HS3ST4: variants seen among roughly 807,000 people sequenced by gnomAD.
The protein encoded by HS3ST4 is heparan sulfate glucosamine 3-O-sulfotransferase 4.
A neutral mutation model predicts 29.2 loss-of-function variants in HS3ST4; 17 were observed. The observed-to-expected ratio is 0.58, with a 90% CI of 0.40 to 0.87. HS3ST4 has a LOEUF of 0.87. HS3ST4 is among the 40% of genes least tolerant of loss of function. HS3ST4 has a pLI of 0.00. For missense variants in HS3ST4, 627 were observed against 634.5 expected, an observed-to-expected ratio of 0.99 and a Z score of 0.13; for synonymous variants, 314 against 285.7, an observed-to-expected ratio of 1.10 and a Z score of -1.00.
At chr16:26,040,268 T>G (rs1969623592) in intron 1 of HS3ST4, among the ~76,000 whole-genome samples, 1 of 152,150 alleles carries the variant, frequency 6.6e-6, no homozygotes, top group Admixed American at 6.5e-5. Flanking sequence ...CTCATTTTTC[T>G]TTCCTATTGC....
intron 1 of HS3ST4, among the ~76,000 whole-genome samples, chr16:26,068,697 A>G (rs1898567703): frequency 6.6e-6 from 1 of 152,190 alleles, no homozygotes; most frequent in Non-Finnish European, 1.5e-5. Flanking sequence ...ATGAAATTAA[A>G]GAACAAGTAC....
chr16:25,997,893 C>T (rs1969171001), intron 1 of HS3ST4, among the ~76,000 whole-genome samples: 1 of 152,112 alleles, frequency 6.6e-6, no homozygotes, highest in South Asian at 2.1e-4. Flanking sequence ...CACCAAGTGG[C>T]TCTTCATTAT....
chr16:25,999,854 T>A (rs1223225251), intron 1 of HS3ST4, among the ~76,000 whole-genome samples: 8 of 126,840 alleles, frequency 6.3e-5, no homozygotes, highest in Non-Finnish European at 1.2e-4. Flanking sequence ...TTATATATAT[T>A]ATATATATAT....
At chr16:25,858,540 C>A (rs1166328864) in intron 1 of HS3ST4, among the ~76,000 whole-genome samples, 1 of 152,050 alleles carries the variant, frequency 6.6e-6, no homozygotes, top group African/African-American at 2.4e-5. Context: ...CCTTTTATTT[C>A]TATTTGATAA....
At chr16:25,862,243 A>C (rs1967645791) in intron 1 of HS3ST4, among the ~76,000 whole-genome samples, 1 of 151,750 alleles carries the variant, frequency 6.6e-6, no homozygotes, top group Non-Finnish European at 1.5e-5. Flanking sequence ...CCCAGGCTAG[A>C]GTGCAGTGAT....
intron 1 of HS3ST4, among the ~76,000 whole-genome samples, chr16:26,011,186 G>T (rs1435693602): frequency 6.6e-6 from 1 of 152,210 alleles, no homozygotes; most frequent in Admixed American, 6.5e-5. Context: ...GGCCAAGCCA[G>T]TAAGATAAAT....
intron 1 of HS3ST4, among the ~76,000 whole-genome samples, chr16:25,777,202 C>T (rs1016570614): frequency 6.6e-6 from 1 of 152,196 alleles, no homozygotes; most frequent in Non-Finnish European, 1.5e-5. Flanking sequence ...GAATCGATAC[C>T]ACCTTAGAAT....
intron 1 of HS3ST4, among the ~76,000 whole-genome samples, chr16:25,854,898 T>C (rs372047266): frequency 1.1e-4 from 16 of 152,198 alleles, no homozygotes; most frequent in East Asian, 3.8e-4. Context: ...AAAGCCATCC[T>C]GGGCTGTCAG....
chr16:25,833,879 C>T (rs1489794782), intron 1 of HS3ST4, among the ~76,000 whole-genome samples: 1 of 152,122 alleles, frequency 6.6e-6, no homozygotes, highest in Non-Finnish European at 1.5e-5. Flanking sequence ...GTTTCCATCC[C>T]CAGGATAAGA....
intron 1 of HS3ST4, among the ~76,000 whole-genome samples, chr16:25,797,243 T>C (rs1966891686): frequency 6.6e-6 from 1 of 152,204 alleles, no homozygotes; most frequent in African/African-American, 2.4e-5. Flanking sequence ...AGATTCTAGA[T>C]GGGAAAGAAT....
chr16:25,828,286 TTCTTTCTTTCTTTCCC>T (rs1967250259), intron 1 of HS3ST4, among the ~76,000 whole-genome samples: 1 of 80,458 alleles, frequency 1.2e-5, no homozygotes, highest in Non-Finnish European at 2.4e-5. Context: ...CTTTCTTTCT[TTCTTTCTTTCTTTCCC>T]TCTCTCTCTC....
intron 1 of HS3ST4, among the ~76,000 whole-genome samples, chr16:25,992,350 G>C (rs1969122084): frequency 6.6e-6 from 1 of 152,228 alleles, no homozygotes; most frequent in Non-Finnish European, 1.5e-5. Context: ...CTGAGACATG[G>C]ATGATGTCCA....
At chr16:25,755,751 T>G (rs1966753599) in intron 1 of HS3ST4, among the ~76,000 whole-genome samples, 1 of 152,186 alleles carries the variant, frequency 6.6e-6, no homozygotes, top group Admixed American at 6.5e-5. Flanking sequence ...AAGGTTACAA[T>G]GGGCTGGCCA....
chr16:25,972,761 T>G (rs1968909929), intron 1 of HS3ST4, among the ~76,000 whole-genome samples: 1 of 152,034 alleles, frequency 6.6e-6, no homozygotes, highest in Non-Finnish European at 1.5e-5. Flanking sequence ...TTATGCAGGG[T>G]GTGAATGCGA....
chr16:25,984,447 C>T (rs1387465979), intron 1 of HS3ST4, among the ~76,000 whole-genome samples: 1 of 152,188 alleles, frequency 6.6e-6, no homozygotes. Context: ...ATAATGCCCA[C>T]TTGTCTGCGG....
chr16:26,123,252 A>G (rs1160467744), intron 1 of HS3ST4, among the ~76,000 whole-genome samples: 1 of 152,196 alleles, frequency 6.6e-6, no homozygotes, highest in Non-Finnish European at 1.5e-5. Flanking sequence ...CCCATTTGAC[A>G]GAGGACAAAA....
intron 1 of HS3ST4, among the ~76,000 whole-genome samples, chr16:25,810,598 A>G (rs1967033269): frequency 6.6e-6 from 1 of 152,104 alleles, no homozygotes; most frequent in South Asian, 2.1e-4. Context: ...TTTTTGCTTC[A>G]TTCTTTTCAG....
intron 1 of HS3ST4, among the ~76,000 whole-genome samples, chr16:26,045,866 T>C (rs368074656): frequency 1.3e-5 from 2 of 152,202 alleles, no homozygotes; most frequent in Non-Finnish European, 2.9e-5. Flanking sequence ...TAACTCTCTT[T>C]ATTTTATTTT....
chr16:25,955,557 T>C (rs1384668097), intron 1 of HS3ST4, among the ~76,000 whole-genome samples: 1 of 152,144 alleles, frequency 6.6e-6, no homozygotes, highest in Non-Finnish European at 1.5e-5. Flanking sequence ...AGTATGCAAA[T>C]TATAGGGATC....
Sources: allele counts gnomAD v4.1 joint callset (sites outside exome capture counted in the v4.1 genomes callset), GRCh38; gene constraint gnomAD v4.1.1; transcripts MANE v1.5; gene names NCBI Gene and HGNC (gene_info 2026-07-23, HGNC 2026-07-21).